DYM: variants seen among roughly 807,000 people sequenced by gnomAD.
DYM encodes dymeclin.
A neutral mutation model predicts 93.1 loss-of-function variants in DYM; 78 were observed. That is an observed-to-expected ratio of 0.84 (90% CI 0.70 to 1.01). The LOEUF (loss-of-function observed/expected upper bound fraction) is 1.01, where lower values mean the gene tolerates loss of function less well. DYM is among the 50% of genes least tolerant of loss of function. The pLI, the probability that DYM is intolerant of heterozygous loss-of-function variation, is 0.00. For missense variants in DYM, 789 were observed against 845.0 expected, an observed-to-expected ratio of 0.93 and a Z score of 0.82; for synonymous variants, 321 against 319.7, an observed-to-expected ratio of 1.00 and a Z score of -0.04.
At chr18:49,210,821 T>C (rs1471735327) in intron 13 of DYM, among the ~76,000 whole-genome samples, 2 of 152,182 alleles carry the variant, frequency 1.3e-5, no homozygotes, top group Non-Finnish European at 2.9e-5. Context: ...TGATCACTTT[T>C]GCTGTGAACC....
intron 2 of DYM, among the ~76,000 whole-genome samples, chr18:49,421,281 T>C (rs959705314): frequency 5.9e-5 from 9 of 152,108 alleles, no homozygotes; most frequent in Non-Finnish European, 1.0e-4. Flanking sequence ...TACGGCCAGG[T>C]GCCCCTCTGA....
intron 3 of DYM, chr18:49,391,258 G>A (rs1022383753): frequency 3.7e-6 from 1 of 269,478 alleles, no homozygotes; most frequent in Non-Finnish European, 7.4e-6. Context: ...ATTCTTAATA[G>A]ATTTTAATAT....
chr18:49,286,530 T>C lies in DYM; in HGVS notation c.850A>G (p.Ser284Gly). Residue 284 changes from serine (S) to glycine (G), a missense_variant, in exon 9 of 18, where the codon AGT becomes GGT. Ser to Gly is a moderately conservative substitution (Grantham distance 56). Around this residue, in one of 3 missense-constraint regions of DYM, gnomAD observed 450 missense variants for 436.2 expected, o/e 1.03. Transcript: ENST00000675505. ...GCCAACACCAGCAGAAGCAGGAGAC[T>C]CTGGTTGGCCAGAGGGGAAGAAAGC... Reference protein sequence around the residue: ...PELSSPLANQSLLLLLVLANL... With the variant: ...PELSSPLANQGLLLLLVLANL... The C allele has an allele frequency of 1.9e-6, 3 of 1,614,150 alleles. No individual in the cohort carries two copies. The highest frequency in any genetic ancestry group is 2.5e-6 in the Non-Finnish European group (3 of 1,180,002).
chr18:49,141,019 C>A (rs573991179), intron 15 of DYM, among the ~76,000 whole-genome samples: 3 of 152,308 alleles, frequency 2.0e-5, no homozygotes, highest in African/African-American at 7.2e-5. Flanking sequence ...CCTGACACCA[C>A]GCTCTTGTGG....
chr18:49,055,177 G>C (rs1221879443), intron 17 of DYM, among the ~76,000 whole-genome samples: 1 of 152,160 alleles, frequency 6.6e-6, no homozygotes, highest in African/African-American at 2.4e-5. Flanking sequence ...TGCATGTGGA[G>C]GGACCCTCTG....
chr18:49,053,457 TAGC>T (rs1568346253), intron 17 of DYM, among the ~76,000 whole-genome samples: 1 of 151,794 alleles, frequency 6.6e-6, no homozygotes, highest in African/African-American at 2.4e-5. Context: ...AATAGCTACA[TAGC>T]AGATTGAAAA....
At chr18:49,446,062 A>T (rs559152021) in intron 1 of DYM, among the ~76,000 whole-genome samples, 1 of 152,348 alleles carries the variant, frequency 6.6e-6, no homozygotes, top group South Asian at 2.1e-4. Context: ...AAAATTGATA[A>T]ATCACAAAAT....
chr18:49,450,528 G>A (rs554735614), intron 1 of DYM, among the ~76,000 whole-genome samples: 1 of 152,220 alleles, frequency 6.6e-6, no homozygotes, highest in African/African-American at 2.4e-5. Flanking sequence ...ACATTTAAAA[G>A]GCATCCCAAA....
chr18:49,262,676 C>A (rs1003490034), intron 11 of DYM, among the ~76,000 whole-genome samples: 2 of 151,978 alleles, frequency 1.3e-5, no homozygotes, highest in Admixed American at 6.6e-5. Context: ...TAAGCCACTC[C>A]CCCAGGTAAT....
chr18:49,428,146 A>G (rs1254530258), intron 2 of DYM, among the ~76,000 whole-genome samples: 1 of 152,052 alleles, frequency 6.6e-6, no homozygotes, highest in Non-Finnish European at 1.5e-5. Context: ...ACATGTATGA[A>G]TATTACATTC....
intron 17 of DYM, among the ~76,000 whole-genome samples, chr18:49,083,926 G>A (rs566471855): frequency 6.6e-6 from 1 of 151,186 alleles, no homozygotes; most frequent in Admixed American, 6.6e-5. Context: ...CCATTTTATT[G>A]ATCTTTTCAA....
chr18:49,201,129 T>C (rs917758906), intron 14 of DYM, among the ~76,000 whole-genome samples: 2 of 152,172 alleles, frequency 1.3e-5, no homozygotes, highest in African/African-American at 4.8e-5. Flanking sequence ...GTATCGGTAA[T>C]AAGAATACCC....
intron 8 of DYM, among the ~76,000 whole-genome samples, chr18:49,324,437 T>G (rs904256198): frequency 6.6e-6 from 1 of 152,210 alleles, no homozygotes; most frequent in Non-Finnish European, 1.5e-5. Flanking sequence ...CCATAGTGAT[T>G]GTTGTCAAGG....
intron 17 of DYM, among the ~76,000 whole-genome samples, chr18:49,045,578 G>A (rs1440052406): frequency 1.3e-5 from 2 of 152,206 alleles, no homozygotes; most frequent in East Asian, 1.9e-4. Context: ...ACGGGGGTGC[G>A]GCAGCCAAAC....
At chr18:49,366,586 G>A (rs1400071239) in intron 5 of DYM, among the ~76,000 whole-genome samples, 1 of 152,202 alleles carries the variant, frequency 6.6e-6, no homozygotes, top group Non-Finnish European at 1.5e-5. Context: ...GAGCCCAGGA[G>A]TTGGAGGCCA....
At chr18:49,288,025 A>T (rs1012579780) in intron 8 of DYM, among the ~76,000 whole-genome samples, 3 of 152,216 alleles carry the variant, frequency 2.0e-5, no homozygotes, top group Non-Finnish European at 4.4e-5. Flanking sequence ...TGCTAAATAC[A>T]TGTTGAAATA....
At chr18:49,326,992 CGTGTGTGTGTGTGTGT>C (rs10584298) in intron 8 of DYM, among the ~76,000 whole-genome samples, 33 of 93,310 alleles carry the variant, frequency 3.5e-4, no homozygotes, top group African/African-American at 3.8e-4. Flanking sequence ...TTTAAAAAAC[CGTGTGTGTGTGTGTGT>C]GTGTGTGTGT....
intron 8 of DYM, among the ~76,000 whole-genome samples, chr18:49,289,404 T>TAAAAAAAAAAAA (rs56240607): frequency 3.0e-5 from 1 of 33,508 alleles, no homozygotes; most frequent in African/African-American, 1.2e-4. Context: ...TACAAATCAG[T>TAAAAAAAAAAAA]AAAAAAAAAA....
intron 13 of DYM, among the ~76,000 whole-genome samples, chr18:49,227,313 C>T (rs1350064718): frequency 6.6e-6 from 1 of 152,028 alleles, no homozygotes; most frequent in Non-Finnish European, 1.5e-5. Flanking sequence ...AATCTGGAGC[C>T]ATGAAATAAG....
Sources: allele counts gnomAD v4.1 joint callset (sites outside exome capture counted in the v4.1 genomes callset), GRCh38; gene constraint gnomAD v4.1.1; regional missense constraint gnomAD v4.1.1; transcripts MANE v1.5; gene names NCBI Gene and HGNC (gene_info 2026-07-23, HGNC 2026-07-21).